Variants in NOTCH1 observed in about 807,000 individuals in gnomAD.
The protein encoded by NOTCH1 is notch receptor 1.
NOTCH1 carries 37 observed loss-of-function variants against 254.8 expected under a neutral mutation model. That is an observed-to-expected ratio of 0.15 (90% CI 0.11 to 0.19). The LOEUF is 0.19. Ranked by LOEUF, NOTCH1 falls within the 10% of genes least tolerant of loss-of-function variation. The probability of loss-of-function intolerance (pLI) is 1.00; values close to 1 mark genes in which losing one functional copy is unlikely to be tolerated. For missense variants in NOTCH1, 2,972 were observed against 3,708.6 expected, an observed-to-expected ratio of 0.80 and a Z score of 5.16; for synonymous variants, 1,731 against 1,618.1, an observed-to-expected ratio of 1.07 and a Z score of -1.68.
At chr9:136,544,786 G>C (rs1843787689) in intron 1 of NOTCH1, among the ~76,000 whole-genome samples, 2 of 152,062 alleles carry the variant, frequency 1.3e-5, no homozygotes, top group Non-Finnish European at 2.9e-5. Context: ...CTCCAGGGCA[G>C]CCCCCATACA....
Position 136,500,721 on chromosome 9 carries a change from T to C in NOTCH1, c.5765A>G (p.Asn1922Ser), listed in dbSNP as rs765708087. ...GGTCTCGCCCGTGCGGTCTGTCTGGTTGTGCAGGCTGGCGCCCTGGTAGAT... is the reference window on the plus strand; with the variant it reads ...GGTCTCGCCCGTGCGGTCTGTCTGGCTGTGCAGGCTGGCGCCCTGGTAGAT... ...DFIYQGASLH[N>S]QTDRTGETAL... The change falls in exon 31 of 34, where the codon AAC (asparagine) becomes AGC (serine). Residue 1922 changes from asparagine to serine, a missense_variant. Asn to Ser is a conservative substitution (Grantham distance 46). Around this residue, in one of 8 missense-constraint regions of NOTCH1, gnomAD observed 421 missense variants for 604.4 expected, o/e 0.70. Transcript: ENST00000651671. 9.9e-6 allele frequency: 16 copies of C among 1,608,870 alleles called. No individual in the cohort carries two copies. The East Asian group carries it at 1.6e-4, about 16-fold the overall frequency.
chr9:136,520,810 G>T (rs3125011), intron 4 of NOTCH1, among the ~76,000 whole-genome samples: 93,274 of 151,818 alleles, frequency 0.61, 30,292 homozygotes, highest in East Asian at 0.91. Flanking sequence ...CCCCGGCTCC[G>T]AGGCAGATGG....
At position 136,496,840 on chromosome 9, in the gene NOTCH1, C is replaced by A. The variant is rs1330611000; in HGVS notation, c.6899G>T (p.Gly2300Val). 1.2e-6 allele frequency: 2 copies of A among 1,612,950 alleles called. No individual in the cohort carries two copies. The highest frequency in any genetic ancestry group is 1.7e-5 in the Admixed American group (1 of 60,036). ...SGGALNFTVG[G>V]STSLNGQCEW... Reference sequence around the variant, plus strand: ...GCATTGACCATTCAAACTGGTGGACCCGCCCACAGTGAAATTCAGGGCCCC... The same window carrying A: ...GCATTGACCATTCAAACTGGTGGACACGCCCACAGTGAAATTCAGGGCCCC... The change falls in exon 34 of 34, where the codon GGG becomes GTG. Residue 2300 changes from glycine (G) to valine (V), a missense_variant. Physicochemically the swap from Gly to Val is moderately radical, Grantham distance 109 (BLOSUM62 -3). Transcript: ENST00000651671.
Position 136,509,059 on chromosome 9 carries a change from G to T in NOTCH1, c.2982C>A (p.Asn994Lys). Residue 994 changes from asparagine (N) to lysine (K), a missense_variant, in exon 19 of 34, where the codon AAC (asparagine) becomes AAA (lysine). Physicochemically the swap from Asn to Lys is moderately conservative, Grantham distance 94 (BLOSUM62 0). This residue lies in a region of NOTCH1 where 1,343 missense variants were observed against 1,557.0 expected (regional missense o/e 0.86). Coordinates refer to ENST00000651671, the MANE Select transcript of NOTCH1 (RefSeq NM_017617.5). ...TPDCTESSCFNGGTCVDGINS... is the reference protein window; with the variant it reads ...TPDCTESSCFKGGTCVDGINS... Reference sequence around the variant, plus strand: ...TGATGCCGTCCACGCAGGTGCCACCGTTGAAGCAGGAGCTGCAAGGGGGTG... The same window carrying T: ...TGATGCCGTCCACGCAGGTGCCACCTTTGAAGCAGGAGCTGCAAGGGGGTG... The T allele has an allele frequency of 6.4e-7, 1 of 1,557,544 alleles. No homozygotes were observed. The highest frequency in any genetic ancestry group is 2.4e-5 in the East Asian group (1 of 41,812).
At chr9:136,504,012 C>T (rs1300918171) in intron 26 of NOTCH1, among the ~76,000 whole-genome samples, 1 of 152,104 alleles carries the variant, frequency 6.6e-6, no homozygotes, top group African/African-American at 2.4e-5. Context: ...CCGTGGGACC[C>T]CCCACCCCCA....
chr9:136,534,350 T>C (rs10870080), intron 2 of NOTCH1, among the ~76,000 whole-genome samples: 80,334 of 151,734 alleles, frequency 0.53, 23,527 homozygotes, highest in East Asian at 0.8. Context: ...AGATGCACAA[T>C]GGACTCCGAG....
At position 136,523,163 on chromosome 9, in the gene NOTCH1, C is replaced by A. The variant is rs757406877; in HGVS notation, c.429G>T (p.Pro143=). 1.2e-6 allele frequency: 2 copies of A among 1,604,404 alleles called. No individual in the cohort carries two copies. The highest frequency in any genetic ancestry group is 3.4e-5 in the Admixed American group (2 of 58,984). The stretch of plus-strand genomic sequence containing the variant: ...CGTTGGCGCAGGGGTTGGAGGCGCA[C>A]GGGTCAGCCTGCTGGCACGATTTCC... ...WSGKSCQQAD[P]CASNPCANGG... is the part of the protein sequence containing the mutation. Residue 143 remains proline (P), a synonymous_variant, in exon 4 of 34, where the codon CCG becomes CCT. Transcript: ENST00000651671.
In NOTCH1 at chr9:136,535,916, C is replaced by CA. The variant is rs1396567468; in HGVS notation, c.140+8107_140+8108insT. Among the ~76,000 whole-genome samples, 265 of 50,718 alleles carry CA rather than the reference C, an allele frequency of 5.2e-3. 1 individual carries two copies. The highest frequency in any genetic ancestry group is 0.04 in the Middle Eastern group (2 of 50). 33.3% of individuals were successfully genotyped at this position (50,718 alleles called of 152,430 possible). ...AGGGGGGAGCACTCAGGATCCCTCCCGGGGCAATGAGTGCAGGGTGGGTGG... is the reference window on the plus strand; with the variant it reads ...AGGGGGGAGCACTCAGGATCCCTCCCAGGGGCAATGAGTGCAGGGTGGGTGG... On this transcript the variant is annotated intron_variant, in intron 2 of 33. Transcript: ENST00000651671.
Position 136,545,664 on chromosome 9 carries a change from G to T in NOTCH1, c.61+62C>A, listed in dbSNP as rs561050344. ...TCCCAGCCGTGGGGCGCGCGCGCCG[G>T]GCGCCGCCAAAGTTTCCAAAGGGCG... On this transcript the variant is annotated intron_variant, in intron 1 of 33. Transcript: ENST00000651671. The surrounding 1 kb of genome is among the most constrained non-coding windows in gnomAD (Gnocchi z 6.8). 10 of 1,351,262 alleles carry T rather than the reference G, an allele frequency of 7.4e-6. No homozygotes were observed. In the South Asian group the frequency reaches 1.1e-4, roughly 15 times the overall value. 83.7% of individuals were successfully genotyped at this position (1,351,262 alleles called of 1,614,324 possible).
Position 136,522,877 on chromosome 9 carries a change from C to A in NOTCH1, c.715G>T (p.Val239Phe). ...NGGTCRPTGD[V>F]THECACLPGF... ...GGCAGGCAGGCACACTCGTGGGTGA[C>A]GTCGCCCGTGGGGCGGCAGGTGCCC... Residue 239 changes from valine to phenylalanine, a missense_variant, in exon 4 of 34, where the codon GTC becomes TTC. Around this residue, in one of 8 missense-constraint regions of NOTCH1, gnomAD observed 374 missense variants for 496.3 expected, o/e 0.75. Transcript: ENST00000651671. 6.6e-7 allele frequency: 1 copy of A among 1,519,412 alleles called. No homozygotes were observed. The highest frequency in any genetic ancestry group is 8.8e-7 in the Non-Finnish European group (1 of 1,132,580). 94.1% of individuals were successfully genotyped at this position (1,519,412 alleles called of 1,614,324 possible).
At chr9:136,534,688 A>T (rs1589079171) in intron 2 of NOTCH1, among the ~76,000 whole-genome samples, 1 of 151,968 alleles carries the variant, frequency 6.6e-6, no homozygotes, top group Admixed American at 6.6e-5. Context: ...TGATCCGGAG[A>T]CGCCCTTGGT....
In NOTCH1 at chr9:136,505,411, C is replaced by G. The variant is rs1250234485; in HGVS notation, c.4485G>C (p.Gln1495His). 2 of 1,612,808 alleles carry G rather than the reference C, an allele frequency of 1.2e-6. No individual in the cohort carries two copies. The highest frequency in any genetic ancestry group is 1.7e-6 in the Non-Finnish European group (2 of 1,179,984). The change falls in exon 25 of 34, where the codon CAG becomes CAC. Residue 1495 changes from glutamine to histidine, a missense_variant. Physicochemically the swap from Gln to His is conservative, Grantham distance 24. This residue lies in a region of NOTCH1 where 1,343 missense variants were observed against 1,557.0 expected (regional missense o/e 0.86). Transcript: ENST00000651671. ...GGCCGTCACTGAAGTACTTCCAGCA[C>G]TGCAGAGACTGCGTGCAGTTCTTCC... ...DPWKNCTQSLQCWKYFSDGHC... is the reference protein window; with the variant it reads ...DPWKNCTQSLHCWKYFSDGHC...
intron 2 of NOTCH1, among the ~76,000 whole-genome samples, chr9:136,532,327 C>T (rs539491306): frequency 2.6e-5 from 4 of 152,234 alleles, no homozygotes; most frequent in Non-Finnish European, 4.4e-5. Context: ...TGCCCAGCCT[C>T]GCCCAGTGCC....
At chr9:136,529,646 C>T (rs973906838) in intron 2 of NOTCH1, among the ~76,000 whole-genome samples, 5 of 152,262 alleles carry the variant, frequency 3.3e-5, no homozygotes, top group Non-Finnish European at 4.4e-5. Context: ...GCTCCTCAAA[C>T]CTGCCAGGAC....
At chr9:136,515,870 C>T in intron 10 of NOTCH1, 111 bp downstream of exon 10, 2 of 1,151,992 alleles carry the variant, frequency 1.7e-6, no homozygotes, top group Non-Finnish European at 2.5e-6. Context: ...GTGCTCTCGG[C>T]CTCTGGACCA....
chr9:136,506,958 A>T lies in NOTCH1; in HGVS notation c.3659T>A (p.Ile1220Asn), dbSNP rs2133344313. The change falls in exon 23 of 34, where the codon ATC becomes AAC. Residue 1220 changes from isoleucine to asparagine, a missense_variant. By Grantham distance (149) the Ile-to-Asn change is moderately radical. This residue lies in a region of NOTCH1 where 1,343 missense variants were observed against 1,557.0 expected (regional missense o/e 0.86). Coordinates refer to ENST00000651671, the MANE Select transcript of NOTCH1 (RefSeq NM_017617.5). The surrounding 1 kb of genome is among the most constrained non-coding windows in gnomAD (Gnocchi z 4.5). ...PRGTQGVHCEINVDDCNPPVD... is the reference protein window; with the variant it reads ...PRGTQGVHCENNVDDCNPPVD... Reference sequence around the variant, plus strand: ...GGGGGGATTGCAGTCGTCCACGTTGATCTCACAGTGCACACCTGCGGGGCC... The same window carrying T: ...GGGGGGATTGCAGTCGTCCACGTTGTTCTCACAGTGCACACCTGCGGGGCC... 1 of 1,608,264 alleles carries T rather than the reference A, an allele frequency of 6.2e-7. No individual in the cohort carries two copies. The highest frequency in any genetic ancestry group is 8.5e-7 in the Non-Finnish European group (1 of 1,178,320).
At chr9:136,528,078 C>T (rs1843496933) in intron 2 of NOTCH1, among the ~76,000 whole-genome samples, 1 of 151,912 alleles carries the variant, frequency 6.6e-6, no homozygotes, top group South Asian at 2.1e-4. Context: ...CATCTGCCAC[C>T]CCCAGGGGAC....
rs1316311719 is a variant in NOTCH1, at chr9:136,519,677, T to C, written c.743-112A>G. ...GAGCCTGGCCTCCACGGCCCTGCCC[T>C]GGGGCCCCCGGGGTCTGTGCCCGTC... On this transcript the variant is annotated intron_variant, in intron 4 of 33. Transcript: ENST00000651671. 13 of 1,547,478 alleles carry C rather than the reference T, an allele frequency of 8.4e-6. No homozygotes were observed. The East Asian group carries it at 2.7e-4, about 32-fold the overall frequency.
intron 4 of NOTCH1, 155 bp from the exon 5 acceptor site, chr9:136,519,720 G>A: frequency 9.9e-7 from 1 of 1,011,394 alleles, no homozygotes; most frequent in Non-Finnish European, 1.5e-6. Flanking sequence ...TCACTCCAGT[G>A]CCCAGAGGGA....
Sources: gnomAD v4.1 joint callset for allele counts (sites outside exome capture counted in the v4.1 genomes callset) on GRCh38, gnomAD v4.1.1 for gene constraint, gnomAD v4.1.1 regional missense constraint, Gnocchi (gnomAD v3.1) non-coding constraint, MANE v1.5 for transcripts, NCBI Gene and HGNC (gene_info 2026-07-23, HGNC 2026-07-21) for gene names.